CD47: variants seen among roughly 807,000 people sequenced by gnomAD.
CD47 encodes the protein CD47 molecule, also known as leukocyte surface antigen CD47.
Under a neutral mutation model 44.6 loss-of-function variants are expected in CD47, and 11 were observed. The ratio of observed to expected loss-of-function variants is 0.25; its 90% CI spans 0.16 to 0.41. CD47 has a LOEUF of 0.41. Ranked by LOEUF, CD47 falls within the 10% of genes least tolerant of loss-of-function variation. The pLI, the probability that CD47 is intolerant of heterozygous loss-of-function variation, is 1.00. For missense variants in CD47, 306 were observed against 386.7 expected (o/e 0.79, Z 1.75); for synonymous variants, 140 against 136.3 (o/e 1.03, Z -0.19).
intron 2 of CD47, among the ~76,000 whole-genome samples, chr3:108,075,881 A>C (rs1016393589): frequency 3.3e-5 from 5 of 152,242 alleles, no homozygotes; most frequent in African/African-American, 1.2e-4. Flanking sequence ...ATTCAACAAG[A>C]GGAAGATTCT....
intron 3 of CD47, among the ~76,000 whole-genome samples, chr3:108,061,774 G>A (rs61003406): frequency 0.038 from 5,766 of 152,260 alleles, 129 homozygotes; most frequent in African/African-American, 0.064. Flanking sequence ...AAGAAACAGC[G>A]TGTGATTGAA....
At chr3:108,057,433 T>A (rs750906126) in intron 7 of CD47, 44 bp downstream of exon 7, 1 of 891,968 alleles carries the variant, frequency 1.1e-6, no homozygotes. Flanking sequence ...AAGTGATATA[T>A]CTGAAATTAT....
chr3:108,072,564 A>C (rs1560015896), intron 2 of CD47, among the ~76,000 whole-genome samples: 1 of 152,230 alleles, frequency 6.6e-6, no homozygotes, highest in Non-Finnish European at 1.5e-5. Context: ...AGTGAATGGA[A>C]GACTTTTTTT....
intron 6 of CD47, 133 bp from the exon 7 acceptor site, chr3:108,057,702 C>T: frequency 2.0e-6 from 1 of 507,486 alleles, no homozygotes; most frequent in South Asian, 2.5e-5. Flanking sequence ...TGTTTATTAA[C>T]TTAACCAGTA....
rs747290744 is a variant in CD47, at chr3:108,059,483, T to G, written c.660A>C (p.Leu220Phe). The part of the protein sequence containing the change: ...LGLIVTSTGI[L>F]ILLHYYVFST... ...TAAACACATAGTAGTGAAGTAATAT[T>G]AATATCCCTGTAGAAGTCACAATTA... Residue 220 changes from leucine to phenylalanine, a missense_variant, in exon 5 of 11, where the codon TTA (leucine) becomes TTC (phenylalanine). By Grantham distance (22) the Leu-to-Phe change is conservative (BLOSUM62 0). Coordinates refer to ENST00000361309, the MANE Select transcript of CD47 (RefSeq NM_001777.4). The G allele has an allele frequency of 1.6e-5, 24 of 1,523,508 alleles. No individual in the cohort carries two copies. Among genetic ancestry groups the G allele is most frequent in the Admixed American group, 2.1e-5 (1 of 48,122 alleles). 94.4% of individuals were successfully genotyped at this position (1,523,508 alleles called of 1,614,324 possible). A position where few individuals can be genotyped will look rare whatever the true frequency, so the allele number is the denominator to read the frequency against.
rs763534790 is a variant in CD47 at position 108,068,421 on chromosome 3, A to AC, written c.490+2671dup. Among the ~76,000 whole-genome samples the AC allele has an allele frequency of 2.6e-5, 4 of 152,320 alleles. No individual in the cohort carries two copies. The East Asian group carries it at 5.8e-4, about 22-fold the overall frequency. On this transcript the variant is annotated intron_variant, in intron 3 of 10. Transcript: ENST00000361309. ...TCCAGCAATCAGTAGGCACCCTGTCACTAGGTATTTGCAGAATAAGTAAAC... is the reference window on the plus strand; with the variant it reads ...TCCAGCAATCAGTAGGCACCCTGTCACCTAGGTATTTGCAGAATAAGTAAAC...
chr3:108,070,000 C>A (rs902179193), intron 3 of CD47, among the ~76,000 whole-genome samples: 3 of 152,102 alleles, frequency 2.0e-5, no homozygotes, highest in African/African-American at 7.2e-5. Context: ...CCCTTTCTTC[C>A]CCCTTTTTTC....
chr3:108,067,695 A>G (rs968303943), intron 3 of CD47, among the ~76,000 whole-genome samples: 1 of 152,248 alleles, frequency 6.6e-6, no homozygotes, highest in Non-Finnish European at 1.5e-5. Context: ...TCTGCTTAAA[A>G]GTTCCTAAGT....
chr3:108,081,993 G>A (rs1017000530), intron 1 of CD47, among the ~76,000 whole-genome samples: 1 of 151,944 alleles, frequency 6.6e-6, no homozygotes, highest in African/African-American at 2.4e-5. Context: ...GACTTCCGTT[G>A]CATTCTTTAA....
At position 108,047,178 on chromosome 3, in the gene CD47, C is replaced by CT; in HGVS notation, c.*109dup. 1.2e-6 allele frequency: 1 copy of CT among 821,188 alleles called. No individual in the cohort carries two copies. Among genetic ancestry groups the CT allele is most frequent in the Non-Finnish European group, 1.9e-6 (1 of 515,260 alleles). The allele number at this position is 821,188 out of a possible 1,614,324, so 50.9% of individuals were successfully genotyped here. On this transcript the variant is annotated 3_prime_UTR_variant, in exon 11 of 11. Coordinates refer to ENST00000361309, the MANE Select transcript of CD47 (RefSeq NM_001777.4). ...TCATAGGTGACAACCAGTTACTTTT[C>CT]TTGTTTCTTCTCCCCAACAGTGAAT...
chr3:108,069,147 A>G (rs1451348582), intron 3 of CD47, among the ~76,000 whole-genome samples: 1 of 152,238 alleles, frequency 6.6e-6, no homozygotes, highest in African/African-American at 2.4e-5. Context: ...ACGTTTCTGG[A>G]AAACATTTTG....
chr3:108,055,595 T>C, intron 7 of CD47: 1 of 1,256,934 alleles, frequency 8.0e-7, no homozygotes. Context: ...ATTTAAAAAG[T>C]TAATTTAGGA....
chr3:108,075,092 G>C (rs1259848742), intron 2 of CD47, among the ~76,000 whole-genome samples: 3 of 152,090 alleles, frequency 2.0e-5, no homozygotes, highest in African/African-American at 7.2e-5. Context: ...AACAATGTCA[G>C]ATATTTTTCC....
At position 108,078,535 on chromosome 3, in the gene CD47, A is replaced by C. The variant is rs7639435; in HGVS notation, c.400+1456T>G. 2.0e-3 allele frequency among the ~76,000 whole-genome samples: 303 copies of C among 151,654 alleles called. 4 individuals are homozygous for C. Among genetic ancestry groups the C allele is most frequent in the African/African-American group, 7.0e-3 (292 of 41,506 alleles). On this transcript the variant is annotated intron_variant, in intron 2 of 10. Coordinates refer to ENST00000361309, the MANE Select transcript of CD47 (RefSeq NM_001777.4). ...TGTACATTACCTCAGAAAAATTTCAACTAGGTATTAGATGATCTAATACCA... is the reference window on the plus strand; with the variant it reads ...TGTACATTACCTCAGAAAAATTTCACCTAGGTATTAGATGATCTAATACCA...
At chr3:108,065,516 G>A (rs1435707920) in intron 3 of CD47, among the ~76,000 whole-genome samples, 2 of 152,094 alleles carry the variant, frequency 1.3e-5, no homozygotes, top group Non-Finnish European at 2.9e-5. Context: ...TTATTGAACA[G>A]AATTCACTGT....
chr3:108,076,025 T>C (rs1294253878), intron 2 of CD47, among the ~76,000 whole-genome samples: 6 of 152,228 alleles, frequency 3.9e-5, no homozygotes, highest in African/African-American at 7.2e-5. Context: ...AGGAATTGAA[T>C]TCTGTCACAA....
chr3:108,062,570 C>T (rs2079032678), intron 3 of CD47, among the ~76,000 whole-genome samples: 1 of 151,948 alleles, frequency 6.6e-6, no homozygotes, highest in Non-Finnish European at 1.5e-5. Flanking sequence ...CAAGAATTTG[C>T]CTTAGAGTAC....
intron 4 of CD47, 28 bp downstream of exon 4, chr3:108,060,717 G>A (rs373947135): frequency 1.2e-5 from 17 of 1,463,648 alleles, no homozygotes; most frequent in South Asian, 2.3e-5. Flanking sequence ...TACCTCCTGC[G>A]TTCCTGCCTA....
chr3:108,055,709 AG>A (rs1230488661), intron 7 of CD47: 1 of 391,118 alleles, frequency 2.6e-6, no homozygotes, highest in Admixed American at 3.8e-5. Flanking sequence ...CCTATGACAA[AG>A]AAAAAATAAT....
Sources: gnomAD v4.1 joint callset for allele counts (sites outside exome capture counted in the v4.1 genomes callset) on GRCh38, gnomAD v4.1.1 for gene constraint, MANE v1.5 for transcripts, NCBI Gene and HGNC (gene_info 2026-07-23, HGNC 2026-07-21) for gene names.